Variants in REL observed in about 807,000 individuals in gnomAD.
The protein encoded by REL is REL proto-oncogene, NF-kB subunit.
A neutral mutation model predicts 45.9 loss-of-function variants in REL; 15 were observed. That is an observed-to-expected ratio of 0.33 (90% CI 0.22 to 0.50). The LOEUF (loss-of-function observed/expected upper bound fraction) is 0.50, where lower values mean the gene tolerates loss of function less well. Among genes scored for constraint, REL ranks in the 20% least tolerant of loss-of-function variants. The probability of loss-of-function intolerance (pLI) is 0.98; values close to 1 mark genes in which losing one functional copy is unlikely to be tolerated. For missense variants in REL, 601 were observed against 715.2 expected (o/e 0.84, Z 1.82); for synonymous variants, 239 against 242.1 (o/e 0.99, Z 0.12).
chr2:60,902,574 A>G (rs1673527123), intron 4 of REL, among the ~76,000 whole-genome samples: 1 of 149,686 alleles, frequency 6.7e-6, no homozygotes, highest in South Asian at 2.1e-4. Flanking sequence ...TGGGTAGAAC[A>G]TAATTTGTTT....
At chr2:60,899,916 ATTT>A (rs1369623687) in intron 3 of REL, 2 of 152,302 alleles carry the variant, frequency 1.3e-5, no homozygotes, top group Non-Finnish European at 2.9e-5. Context: ...CATTTTAGTA[ATTT>A]TTTATGATGA....
chr2:60,882,527 C>G (rs1672969302), intron 1 of REL, among the ~76,000 whole-genome samples: 2 of 151,946 alleles, frequency 1.3e-5, no homozygotes, highest in South Asian at 4.2e-4. Flanking sequence ...ATACAAAAAT[C>G]AGCGGGGCGT....
chr2:60,905,882 A>G (rs879495066), intron 4 of REL, among the ~76,000 whole-genome samples: 2 of 152,170 alleles, frequency 1.3e-5, no homozygotes, highest in Non-Finnish European at 2.9e-5. Context: ...TTTGAGTTCA[A>G]TATATATACA....
At chr2:60,897,452 C>T (rs1433989976) in intron 3 of REL, among the ~76,000 whole-genome samples, 2 of 151,908 alleles carry the variant, frequency 1.3e-5, no homozygotes, top group East Asian at 1.9e-4. Context: ...GAATTACAGG[C>T]GTGCACTACC....
intron 1 of REL, among the ~76,000 whole-genome samples, chr2:60,886,386 G>A (rs1673072496): frequency 6.6e-6 from 1 of 152,124 alleles, no homozygotes. Context: ...ATTTTAGATT[G>A]CAGATTATGT....
intron 4 of REL, among the ~76,000 whole-genome samples, chr2:60,908,700 T>A (rs1673726133): frequency 6.6e-6 from 1 of 152,200 alleles, no homozygotes; most frequent in Non-Finnish European, 1.5e-5. Flanking sequence ...CCATAGAATA[T>A]CTAAACTGTA....
intron 3 of REL, among the ~76,000 whole-genome samples, chr2:60,895,827 T>A (rs1673332726): frequency 6.6e-6 from 1 of 152,190 alleles, no homozygotes; most frequent in Admixed American, 6.5e-5. Context: ...ATTGCAGTTC[T>A]CTTTGTAATG....
At chr2:60,912,733 A>G (rs904224577) in intron 4 of REL, among the ~76,000 whole-genome samples, 4 of 152,080 alleles carry the variant, frequency 2.6e-5, no homozygotes, top group African/African-American at 7.2e-5. Context: ...CCCAATTTTT[A>G]TAAGATAAAA....
At chr2:60,914,839 T>G (rs936791679) in intron 4 of REL, among the ~76,000 whole-genome samples, 3 of 150,510 alleles carry the variant, frequency 2.0e-5, no homozygotes, top group Non-Finnish European at 3.0e-5. Context: ...TTTTTTGTTT[T>G]TTTTTTTTTT....
At chr2:60,904,938 G>A (rs550073538) in intron 4 of REL, among the ~76,000 whole-genome samples, 57 of 152,266 alleles carry the variant, frequency 3.7e-4, no homozygotes, top group African/African-American at 1.3e-3. Context: ...TAGCTGATGA[G>A]TGGTAGAGCT....
chr2:60,904,791 G>A (rs1168453054), intron 4 of REL, among the ~76,000 whole-genome samples: 2 of 152,102 alleles, frequency 1.3e-5, no homozygotes, highest in East Asian at 3.9e-4. Flanking sequence ...TCAGGAGGCC[G>A]AGGTAGGAAA....
chr2:60,906,913 A>ATATATATTTTTTT, intron 4 of REL, among the ~76,000 whole-genome samples: 1 of 104,322 alleles, frequency 9.6e-6, no homozygotes, highest in South Asian at 3.0e-4. Context: ...ATATATATAT[A>ATATATATTTTTTT]TTTTTTTTTT....
intron 1 of REL, among the ~76,000 whole-genome samples, chr2:60,883,132 G>C (rs1313503491): frequency 6.6e-6 from 1 of 152,140 alleles, no homozygotes; most frequent in African/African-American, 2.4e-5. Flanking sequence ...CTAAATGCAT[G>C]TTAAATGCTG....
intron 1 of REL, among the ~76,000 whole-genome samples, chr2:60,888,231 A>G (rs1490232803): frequency 6.6e-6 from 1 of 152,028 alleles, no homozygotes; most frequent in Non-Finnish European, 1.5e-5. Flanking sequence ...GCCCAGCCTC[A>G]GTGAAATATT....
intron 4 of REL, among the ~76,000 whole-genome samples, chr2:60,913,044 A>G (rs1673862907): frequency 6.6e-6 from 1 of 152,162 alleles, no homozygotes; most frequent in East Asian, 1.9e-4. Flanking sequence ...GACAAGACAC[A>G]AAGTGTTTTC....
chr2:60,924,980 CGTA>C lies in REL; in HGVS notation c.*2448_*2450del. 4.8e-6 allele frequency: 1 copy of C among 206,594 alleles called. No homozygotes were observed. The highest frequency in any genetic ancestry group is 9.9e-6 in the Non-Finnish European group (1 of 101,118). The allele number at this position is 206,594 out of a possible 1,614,324, so 12.8% of individuals were successfully genotyped here. A position where few individuals can be genotyped will look rare whatever the true frequency, so the allele number is the denominator to read the frequency against. ...AGAAACCTTTCACTTTGCTTCAAAA[CGTA>C]GTTATATTTTGGAGTTTTCATTTGA... On this transcript the variant is annotated 3_prime_UTR_variant, in exon 10 of 10. Transcript: ENST00000394479.
At chr2:60,906,913 A>ATATATATATTT (rs1311506982) in intron 4 of REL, among the ~76,000 whole-genome samples, 58 of 104,294 alleles carry the variant, frequency 5.6e-4, no homozygotes, top group African/African-American at 2.2e-3. Context: ...ATATATATAT[A>ATATATATATTT]TTTTTTTTTT....
At chr2:60,916,014 C>G (rs907441385) in intron 4 of REL, among the ~76,000 whole-genome samples, 3 of 152,148 alleles carry the variant, frequency 2.0e-5, no homozygotes, top group Non-Finnish European at 2.9e-5. Context: ...GTACAATTTT[C>G]TAATAGATTT....
Position 60,921,990 on chromosome 2 carries a change from A to C in REL, c.1219A>C (p.Asn407His), listed in dbSNP as rs781499416. ...SSFSTRTLPS[N>H]SQGIPPFLRI... The stretch of plus-strand genomic sequence containing the variant: ...TTTTTCAACAAGGACACTTCCTTCT[A>C]ATTCGCAAGGTATCCCACCATTCCT... The change falls in exon 10 of 10, where the codon AAT becomes CAT. Residue 407 changes from asparagine (N) to histidine (H), a missense_variant. By Grantham distance (68) the Asn-to-His change is moderately conservative. Transcript: ENST00000394479. The C allele has an allele frequency of 6.2e-7, 1 of 1,614,176 alleles. No homozygotes were observed. Among genetic ancestry groups the C allele is most frequent in the East Asian group, 2.2e-5 (1 of 44,882 alleles).
Sources: gnomAD v4.1 joint callset for allele counts (sites outside exome capture counted in the v4.1 genomes callset) on GRCh38, gnomAD v4.1.1 for gene constraint, MANE v1.5 for transcripts, NCBI Gene and HGNC (gene_info 2026-07-23, HGNC 2026-07-21) for gene names.